REV3L: variants seen among roughly 807,000 people sequenced by gnomAD.
REV3L encodes the protein REV3 like, DNA directed polymerase zeta catalytic subunit, also known as DNA polymerase zeta catalytic subunit.
Under a neutral mutation model 299.4 loss-of-function variants are expected in REV3L, and 69 were observed. The ratio of observed to expected loss-of-function variants is 0.23; its 90% CI spans 0.19 to 0.28. The LOEUF (loss-of-function observed/expected upper bound fraction) is 0.28. REV3L is among the 10% of genes least tolerant of loss of function. REV3L has a pLI of 1.00. For missense variants in REV3L, 3,128 were observed against 3,693.8 expected, an observed-to-expected ratio of 0.85 and a Z score of 3.97; for synonymous variants, 1,238 against 1,271.4, an observed-to-expected ratio of 0.97 and a Z score of 0.56.
At chr6:111,443,155 T>C (rs192175706) in intron 1 of REV3L, among the ~76,000 whole-genome samples, 2 of 152,242 alleles carry the variant, frequency 1.3e-5, no homozygotes, top group African/African-American at 4.8e-5. Flanking sequence ...CTTCTTTATA[T>C]ATCTAGTAAT....
intron 13 of REV3L, among the ~76,000 whole-genome samples, chr6:111,370,126 C>T (rs184632994): frequency 2.6e-5 from 4 of 152,160 alleles, no homozygotes; most frequent in African/African-American, 7.2e-5. Flanking sequence ...CCACCGTGCC[C>T]GGCCTACAGT....
In REV3L at chr6:111,389,098, G is replaced by C; in HGVS notation, c.862+8C>G. ...AAAAGAATAATCAGAGCACTATTAG[G>C]TTTATACCTTGTGACTCAGGTTGGC... is the stretch of plus-strand genomic sequence containing the variant. On this transcript the variant is annotated splice_region_variant and intron_variant, in intron 7 of 31. Coordinates refer to ENST00000368802, the MANE Select transcript of REV3L (RefSeq NM_001372078.1). The C allele has an allele frequency of 6.2e-7, 1 of 1,600,324 alleles. No individual in the cohort carries two copies.
At chr6:111,417,269 A>G (rs1212241716) in intron 1 of REV3L, among the ~76,000 whole-genome samples, 1 of 152,228 alleles carries the variant, frequency 6.6e-6, no homozygotes, top group Non-Finnish European at 1.5e-5. Flanking sequence ...GAAATGCCAC[A>G]GAAACGATAA....
At chr6:111,359,860 T>G (rs1318668639) in intron 16 of REV3L, among the ~76,000 whole-genome samples, 3 of 152,198 alleles carry the variant, frequency 2.0e-5, no homozygotes, top group Non-Finnish European at 4.4e-5. Context: ...AACAAAGGAT[T>G]TGTGTTTTGT....
chr6:111,330,751 AAAACTGATTTTT>A (rs1775297341), intron 24 of REV3L, among the ~76,000 whole-genome samples: 2 of 152,228 alleles, frequency 1.3e-5, no homozygotes, highest in African/African-American at 2.4e-5. Context: ...ATGTGACTGG[AAAACTGATTTTT>A]ATATAGAGAC....
At chr6:111,410,638 T>C (rs1459806680) in intron 3 of REV3L, among the ~76,000 whole-genome samples, 1 of 152,206 alleles carries the variant, frequency 6.6e-6, no homozygotes, top group Non-Finnish European at 1.5e-5. Flanking sequence ...TAGTTTTCAG[T>C]TACAAGGGAA....
intron 1 of REV3L, among the ~76,000 whole-genome samples, chr6:111,423,693 G>A (rs1201852481): frequency 3.3e-5 from 5 of 152,160 alleles, no homozygotes; most frequent in African/African-American, 1.2e-4. Context: ...TGTTTAGGAG[G>A]CTGCTGGAGG....
intron 31 of REV3L, among the ~76,000 whole-genome samples, chr6:111,306,769 C>CT (rs1370898983): frequency 2.6e-5 from 4 of 152,176 alleles, no homozygotes; most frequent in African/African-American, 9.7e-5. Context: ...AAGCAATTCT[C>CT]TAAGACAACT....
chr6:111,360,290 G>A (rs1778512851), intron 16 of REV3L, among the ~76,000 whole-genome samples: 1 of 152,044 alleles, frequency 6.6e-6, no homozygotes, highest in African/African-American at 2.4e-5. Context: ...GGAAGCACAT[G>A]CATAGAAAAT....
At chr6:111,315,078 G>A (rs1261035556) in intron 27 of REV3L, among the ~76,000 whole-genome samples, 189 bp downstream of exon 27, 1 of 151,830 alleles carries the variant, frequency 6.6e-6, no homozygotes, top group Non-Finnish European at 1.5e-5. Flanking sequence ...TCAAACTCCT[G>A]GTCTCAAGCA....
At chr6:111,392,465 T>C (rs560093229) in intron 5 of REV3L, among the ~76,000 whole-genome samples, 10 of 152,166 alleles carry the variant, frequency 6.6e-5, no homozygotes, top group Non-Finnish European at 8.8e-5. Context: ...AACCAGAGCA[T>C]GTCAAAATAC....
rs1351100481 is a variant in REV3L, at chr6:111,482,938, A to AGCAGCAGCGGCG, written c.-62_-51dup. On this transcript the variant is annotated 5_prime_UTR_variant, in exon 1 of 32. Transcript: ENST00000368802. The stretch of plus-strand genomic sequence containing the variant: ...CCTTCACTGGCGACCCGGCAGCGGC[A>AGCAGCAGCGGCG]GCAGCAGCGGCGGCGGCTCCCTCCG... 4.7e-6 allele frequency: 7 copies of AGCAGCAGCGGCG among 1,474,936 alleles called. No individual in the cohort carries two copies. The Admixed American group carries it at 2.3e-4, about 48-fold the overall frequency. 91.4% of individuals were successfully genotyped at this position (1,474,936 alleles called of 1,614,324 possible).
At chr6:111,368,102 G>A (rs1779410917) in intron 13 of REV3L, 74 bp from the exon 14 acceptor site, 1 of 1,299,774 alleles carries the variant, frequency 7.7e-7, no homozygotes, top group Non-Finnish European at 1.0e-6. Flanking sequence ...CCATATCCTA[G>A]ATAAAGTCCC....
In REV3L at chr6:111,322,458, G is replaced by C. The variant is rs560226499; in HGVS notation, c.8351+111C>G. ...ATCATGAGATCGTAAGGACTGGAAA[G>C]GACTCAGACAGAACTCTGTTTTTAG... On this transcript the variant is annotated intron_variant, in intron 26 of 31. Coordinates refer to ENST00000368802, the MANE Select transcript of REV3L (RefSeq NM_001372078.1). 18 of 762,854 alleles carry C rather than the reference G, an allele frequency of 2.4e-5. No homozygotes were observed. In the Admixed American group the frequency reaches 3.4e-4, roughly 14 times the overall value. The allele number at this position is 762,854 out of a possible 1,614,324, so 47.3% of individuals were successfully genotyped here.
intron 26 of REV3L, among the ~76,000 whole-genome samples, chr6:111,315,931 G>C (rs867815371): frequency 6.6e-6 from 1 of 152,156 alleles, no homozygotes; most frequent in African/African-American, 2.4e-5. Flanking sequence ...CCGATCCCTG[G>C]TGCTAAAAAG....
chr6:111,447,016 GTATAA>G (rs1380238464), intron 1 of REV3L, among the ~76,000 whole-genome samples: 1 of 152,044 alleles, frequency 6.6e-6, no homozygotes, highest in African/African-American at 2.4e-5. Context: ...AACCTCACAA[GTATAA>G]TTAGACTCAG....
intron 27 of REV3L, 130 bp from the exon 28 acceptor site, chr6:111,313,619 CCAA>C: frequency 1.1e-6 from 1 of 872,116 alleles, no homozygotes; most frequent in Non-Finnish European, 1.7e-6. Flanking sequence ...GACTTTGGGC[CCAA>C]CAAATTCATG....
intron 9 of REV3L, among the ~76,000 whole-genome samples, chr6:111,384,851 G>A (rs1000532569): frequency 6.6e-5 from 10 of 152,156 alleles, no homozygotes; most frequent in African/African-American, 2.4e-4. Context: ...AGCAATCTAA[G>A]TGTCCATCAA....
At chr6:111,431,307 C>G in intron 1 of REV3L, 1 of 1,223,352 alleles carries the variant, frequency 8.2e-7, no homozygotes, top group African/African-American at 1.5e-5. Flanking sequence ...ACACCTGACA[C>G]AGCAAAAGAA....
Sources: allele counts gnomAD v4.1 joint callset (sites outside exome capture counted in the v4.1 genomes callset), GRCh38; gene constraint gnomAD v4.1.1; transcripts MANE v1.5; gene names NCBI Gene and HGNC (gene_info 2026-07-23, HGNC 2026-07-21).